Variants in SRFBP1 observed in about 807,000 individuals in gnomAD.
SRFBP1 encodes serum response factor binding protein 1.
SRFBP1 carries 47 observed loss-of-function variants against 45.5 expected under a neutral mutation model. The observed-to-expected ratio is 1.03, with a 90% confidence interval of 0.82 to 1.32. The LOEUF is 1.32. Ranked by LOEUF, SRFBP1 falls within the 40% of genes most tolerant of loss-of-function variation. The pLI is 0.00. For synonymous variants in SRFBP1, 203 were observed against 166.3 expected (o/e 1.22, Z -1.70); for missense variants, 621 against 484.6 (o/e 1.28, Z -2.64).
At chr5:122,016,128 A>G (rs1753190027) in intron 4 of SRFBP1, among the ~76,000 whole-genome samples, 1 of 152,142 alleles carries the variant, frequency 6.6e-6, no homozygotes, top group Non-Finnish European at 1.5e-5. Flanking sequence ...TGTAACACCA[A>G]ACTCTCCATC....
chr5:122,026,456 G>T (rs187322519), intron 7 of SRFBP1, among the ~76,000 whole-genome samples: 113 of 152,270 alleles, frequency 7.4e-4, no homozygotes, highest in Admixed American at 1.4e-3. Context: ...AATAACAGAC[G>T]GGAGTGGAAT....
chr5:121,992,869 G>C (rs1376395908), intron 3 of SRFBP1, among the ~76,000 whole-genome samples: 1 of 151,290 alleles, frequency 6.6e-6, no homozygotes, highest in Non-Finnish European at 1.5e-5. Context: ...GGTTTCTGGG[G>C]CAAAAAAAGT....
chr5:122,008,177 C>G (rs1217921209), intron 4 of SRFBP1, among the ~76,000 whole-genome samples: 1 of 152,070 alleles, frequency 6.6e-6, no homozygotes, highest in African/African-American at 2.4e-5. Flanking sequence ...AAGCCTAGGG[C>G]TGGCCCGAAG....
chr5:122,048,996 G>A (rs1753917391), intron 2 of SRFBP1, among the ~76,000 whole-genome samples: 2 of 151,580 alleles, frequency 1.3e-5, no homozygotes, highest in African/African-American at 4.8e-5. Flanking sequence ...CAAAAAATGA[G>A]CTCCTGGATT....
chr5:121,999,241 G>GA (rs1405948912), intron 4 of SRFBP1, among the ~76,000 whole-genome samples: 1 of 151,892 alleles, frequency 6.6e-6, no homozygotes, highest in Non-Finnish European at 1.5e-5. Context: ...GGTTTAATTC[G>GA]AAATGTGTTG....
chr5:121,973,213 A>T (rs1466818855), intron 1 of SRFBP1, among the ~76,000 whole-genome samples: 1 of 151,880 alleles, frequency 6.6e-6, no homozygotes, highest in Non-Finnish European at 1.5e-5. Flanking sequence ...AGACAGCCAC[A>T]TGAGCCATTA....
chr5:122,073,266 C>A, intron 2 of SRFBP1, among the ~76,000 whole-genome samples: 1 of 152,174 alleles, frequency 6.6e-6, no homozygotes, highest in East Asian at 1.9e-4. Context: ...TAGATTTTAA[C>A]TGACACGCAT....
chr5:121,964,376 A>G (rs552144600), intron 1 of SRFBP1, among the ~76,000 whole-genome samples: 2 of 151,930 alleles, frequency 1.3e-5, no homozygotes, highest in African/African-American at 4.8e-5. Context: ...TTGGTGTGTG[A>G]TGTTCCCTTC....
intron 4 of SRFBP1, among the ~76,000 whole-genome samples, chr5:122,017,309 CT>C (rs1259526815): frequency 1.3e-5 from 2 of 152,180 alleles, no homozygotes; most frequent in African/African-American, 2.4e-5. Flanking sequence ...TGAGGCCACA[CT>C]TTCTCTGGAA....
At chr5:122,022,313 T>C in intron 6 of SRFBP1, 57 bp from the exon 7 acceptor site, 1 of 1,462,818 alleles carries the variant, frequency 6.8e-7, no homozygotes, top group Non-Finnish European at 9.4e-7. Context: ...TATGTTTTTT[T>C]CTTAAGATCA....
intron 3 of SRFBP1, among the ~76,000 whole-genome samples, chr5:121,986,616 C>T (rs1256373293): frequency 6.6e-6 from 1 of 151,964 alleles, no homozygotes; most frequent in Non-Finnish European, 1.5e-5. Context: ...CAAATTTAGC[C>T]AGTGGTAGCC....
At chr5:122,078,167 G>T (rs1580568976), downstream of SRFBP1, 2 of 511,770 alleles carry the variant, frequency 3.9e-6, no homozygotes, top group East Asian at 7.0e-5. Context: ...AGTCAAGGCG[G>T]CTGCTCGGAC....
At chr5:122,039,798 G>T (rs1174823169) in intron 2 of SRFBP1, among the ~76,000 whole-genome samples, 2 of 152,086 alleles carry the variant, frequency 1.3e-5, no homozygotes, top group Non-Finnish European at 2.9e-5. Flanking sequence ...CTGTAGTTAG[G>T]ATTATCCTTA....
chr5:122,009,586 A>G (rs1234229860), intron 4 of SRFBP1, among the ~76,000 whole-genome samples: 1 of 152,222 alleles, frequency 6.6e-6, no homozygotes, highest in Non-Finnish European at 1.5e-5. Context: ...GAGTAGAAGG[A>G]TAGATTCATG....
In SRFBP1 at chr5:121,968,221, C is replaced by CATTATTATT. The variant is rs5870986; in HGVS notation, c.37-5947_37-5939dup. On this transcript the variant is annotated intron_variant, in intron 1 of 7. Transcript: ENST00000339397. ...AACCTCAGATAGTACCAAACTCTGT[C>CATTATTATT]ATTATTATTATTATTATTATTATTA... Among the ~76,000 whole-genome samples the CATTATTATT allele has an allele frequency of 2.8e-3, 402 of 144,706 alleles. 3 individuals are homozygous for CATTATTATT. The highest frequency in any genetic ancestry group is 0.011 in the South Asian group (49 of 4,526). The allele number at this position is 144,706 out of a possible 152,430, so 94.9% of individuals were successfully genotyped here.
intron 2 of SRFBP1, among the ~76,000 whole-genome samples, chr5:122,037,268 C>A (rs894892422): frequency 1.3e-5 from 2 of 152,186 alleles, no homozygotes; most frequent in South Asian, 2.1e-4. Flanking sequence ...GGGAAACTGA[C>A]ACAAACATCA....
intron 2 of SRFBP1, among the ~76,000 whole-genome samples, chr5:122,072,082 T>TG (rs1754468296): frequency 6.6e-6 from 1 of 152,186 alleles, no homozygotes. Flanking sequence ...ACTCAATAAG[T>TG]GCTAGTTATT....
chr5:122,037,140 C>T (rs940317155), intron 2 of SRFBP1, among the ~76,000 whole-genome samples: 6 of 152,106 alleles, frequency 3.9e-5, no homozygotes, highest in Non-Finnish European at 8.8e-5. Flanking sequence ...TCAGGTGATC[C>T]GCCCGCCTTG....
chr5:122,074,225 A>C, intron 2 of SRFBP1: 2 of 1,477,294 alleles, frequency 1.4e-6, no homozygotes, highest in African/African-American at 1.4e-5. Flanking sequence ...GAAAGCAATG[A>C]AGATATTAAA....
Sources: allele counts gnomAD v4.1 joint callset (sites outside exome capture counted in the v4.1 genomes callset), GRCh38; gene constraint gnomAD v4.1.1; transcripts MANE v1.5; gene names NCBI Gene and HGNC (gene_info 2026-07-23, HGNC 2026-07-21).